Variants in COL4A3 observed in about 807,000 individuals in gnomAD.
COL4A3 encodes collagen type IV alpha 3 chain.
Under a neutral mutation model 217.4 loss-of-function variants are expected in COL4A3, and 135 were observed. The observed-to-expected ratio is 0.62, with a 90% confidence interval of 0.54 to 0.72. COL4A3 has a LOEUF of 0.72. Ranked by LOEUF, COL4A3 falls within the 30% of genes least tolerant of loss-of-function variation. The probability of loss-of-function intolerance (pLI) is 0.00; values close to 1 mark genes in which losing one functional copy is unlikely to be tolerated. For missense variants in COL4A3, 1,868 were observed against 2,119.9 expected (o/e 0.88, Z 2.33); for synonymous variants, 690 against 736.3 (o/e 0.94, Z 1.02).
intron 34 of COL4A3, among the ~76,000 whole-genome samples, chr2:227,286,916 C>A (rs368377284): frequency 1.3e-5 from 2 of 152,136 alleles, no homozygotes; most frequent in East Asian, 3.9e-4. Flanking sequence ...CTTAATAATA[C>A]CTATGGACTA....
chr2:227,231,301 G>A (rs550171626), intron 1 of COL4A3, among the ~76,000 whole-genome samples: 2 of 152,274 alleles, frequency 1.3e-5, no homozygotes, highest in South Asian at 4.2e-4. Flanking sequence ...CTCAGAGCTG[G>A]AGGCGTCCCC....
At chr2:227,244,694 C>T in intron 4 of COL4A3, 1 of 650,478 alleles carries the variant, frequency 1.5e-6, no homozygotes, top group Non-Finnish European at 2.7e-6. Context: ...CACTTCATTG[C>T]ATGCAAATTG....
intron 1 of COL4A3, among the ~76,000 whole-genome samples, chr2:227,197,195 G>A (rs777235454): frequency 4.0e-5 from 6 of 151,692 alleles, no homozygotes; most frequent in East Asian, 1.9e-4. Flanking sequence ...TTTTGGGTAC[G>A]GTTTTTTTGT....
intron 36 of COL4A3, 54 bp downstream of exon 36, chr2:227,290,142 C>T: frequency 6.6e-7 from 1 of 1,522,348 alleles, no homozygotes; most frequent in Non-Finnish European, 9.1e-7. Context: ...GTGAGGACTC[C>T]AGATTTTCTG....
chr2:227,281,016 G>A lies in COL4A3; in HGVS notation c.2488+10G>A. 6.5e-7 allele frequency: 1 copy of A among 1,541,810 alleles called. No homozygotes were observed. Among genetic ancestry groups the A allele is most frequent in the East Asian group, 2.4e-5 (1 of 41,080 alleles). ...TTGAAAGGGCAACAAGGTAGGAGGA[G>A]GGCCTCAAAACTGGCCACCAGAAGG... On this transcript the variant is annotated intron_variant, in intron 31 of 51. Transcript: ENST00000396578.
chr2:227,254,659 C>T lies in COL4A3; in HGVS notation c.832C>T (p.Leu278=). 7 of 1,611,190 alleles carry T rather than the reference C, an allele frequency of 4.3e-6. No homozygotes were observed. Among genetic ancestry groups the T allele is most frequent in the Non-Finnish European group, 5.1e-6 (6 of 1,177,364 alleles). Residue 278 remains leucine (L), a synonymous_variant, in exon 15 of 52, where the codon CTG becomes TTG. Transcript: ENST00000396578. The part of the protein sequence containing the change: ...GEPGPPGPSG[L]PGESYGSEKG... ...GACATGGCTCTAATTAATACAGGGA[C>T]TGCCTGGAGAATCATATGGATCTGA... is the stretch of plus-strand genomic sequence containing the variant.
Position 227,191,474 on chromosome 2 carries a change from G to T in COL4A3, c.87+26661G>T, listed in dbSNP as rs2066237093. Among the ~76,000 whole-genome samples, 1 of 152,172 alleles carries T rather than the reference G, an allele frequency of 6.6e-6. No homozygotes were observed. ...CACTCTTTACCAGCCACATACAAAT[G>T]TTGAATGGCTCCATCCACGGTGCAT... On this transcript the variant is annotated intron_variant, in intron 1 of 51. Coordinates refer to ENST00000396578, the MANE Select transcript of COL4A3 (RefSeq NM_000091.5). The surrounding 1 kb of genome is among the most constrained non-coding windows in gnomAD (Gnocchi z 6.8).
intron 1 of COL4A3, among the ~76,000 whole-genome samples, chr2:227,222,177 T>TAAA (rs200954828): frequency 2.5e-4 from 33 of 130,810 alleles, no homozygotes; most frequent in Admixed American, 2.2e-3. Context: ...ATAATGATAA[T>TAAA]AAAAAGCTCC....
chr2:227,289,945 C>T, intron 35 of COL4A3, 54 bp from the exon 36 acceptor site: 3 of 1,534,782 alleles, frequency 2.0e-6, no homozygotes, highest in Non-Finnish European at 2.7e-6. Context: ...ATTTATTAAA[C>T]ACATACTATG....
At chr2:227,295,090 G>C (rs139858158) in intron 40 of COL4A3, 28 bp downstream of exon 40, 2 of 1,596,812 alleles carry the variant, frequency 1.3e-6, no homozygotes, top group Non-Finnish European at 8.6e-7. Context: ...TCTTTGATCC[G>C]TTAGTTTTAT....
intron 43 of COL4A3, among the ~76,000 whole-genome samples, chr2:227,300,279 C>T (rs927906464): frequency 2.6e-5 from 4 of 152,194 alleles, no homozygotes; most frequent in African/African-American, 9.7e-5. Flanking sequence ...CTACCTGTCT[C>T]CACATTGTGC....
chr2:227,307,912 A>T lies in COL4A3; in HGVS notation c.4455A>T (p.Gln1485His). 1 of 1,613,810 alleles carries T rather than the reference A, an allele frequency of 6.2e-7. No individual in the cohort carries two copies. The highest frequency in any genetic ancestry group is 8.5e-7 in the Non-Finnish European group (1 of 1,179,770). ...AAGGAAATCAACGAGCCCACGGACA[A>T]GACCTTGGTAATGTCCCAGTCCCAG... is the stretch of plus-strand genomic sequence containing the variant. The part of the protein sequence containing the change: ...FVQGNQRAHG[Q>H]DLGTLGSCLQ... Residue 1485 changes from glutamine to histidine, a missense_variant, in exon 48 of 52, where the codon CAA becomes CAT. Around this residue, in one of 2 missense-constraint regions of COL4A3, gnomAD observed 1,503 missense variants for 1,786.1 expected, o/e 0.84. Transcript: ENST00000396578.
At chr2:227,240,335 A>T in intron 3 of COL4A3, 103 bp downstream of exon 3, 1 of 1,092,984 alleles carries the variant, frequency 9.1e-7, no homozygotes, top group Non-Finnish European at 1.4e-6. Context: ...ATCTTAGCCA[A>T]CTGCTAGGTG....
At chr2:227,276,877 A>G (rs554824626) in intron 27 of COL4A3, among the ~76,000 whole-genome samples, 1 of 152,374 alleles carries the variant, frequency 6.6e-6, no homozygotes, top group South Asian at 2.1e-4. Flanking sequence ...TGAGTTTTGC[A>G]TGCATGGAGG....
At chr2:227,245,135 T>C (rs759645965) in intron 5 of COL4A3, 140 bp downstream of exon 5, 39 of 780,934 alleles carry the variant, frequency 5.0e-5, no homozygotes, top group Non-Finnish European at 8.4e-5. Flanking sequence ...TGGTATATTA[T>C]ACTAGTGTGT....
intron 1 of COL4A3, among the ~76,000 whole-genome samples, chr2:227,188,251 A>C (rs2125693950): frequency 6.6e-6 from 1 of 152,258 alleles, no homozygotes; most frequent in South Asian, 2.1e-4. Context: ...TTTTAGTATC[A>C]ATATCAGAAT....
chr2:227,294,372 A>T, intron 38 of COL4A3, 118 bp from the exon 39 acceptor site: 1 of 799,380 alleles, frequency 1.3e-6, no homozygotes, highest in Non-Finnish European at 2.3e-6. Context: ...GCAACAAGAG[A>T]GCTTCCTTAA....
chr2:227,251,040 T>C, intron 9 of COL4A3, 100 bp from the exon 10 acceptor site: 1 of 940,514 alleles, frequency 1.1e-6, no homozygotes. Context: ...GTTATGCTCT[T>C]CTGATTTTAT....
rs141880674 is a variant in COL4A3, at chr2:227,230,805, T to G, written c.88-7163T>G. The stretch of plus-strand genomic sequence containing the variant: ...CTACTGTCATCACCATCCAAAAGTA[T>G]TCAAGTGCCCCTGTGCTGGGGTCTC... On this transcript the variant is annotated intron_variant, in intron 1 of 51. Transcript: ENST00000396578. Among the ~76,000 whole-genome samples the G allele has an allele frequency of 2.9e-3, 436 of 152,316 alleles. 1 individual carries two copies. Among genetic ancestry groups the G allele is most frequent in the Non-Finnish European group, 5.0e-3 (337 of 68,014 alleles).
Sources: allele counts gnomAD v4.1 joint callset (sites outside exome capture counted in the v4.1 genomes callset), GRCh38; gene constraint gnomAD v4.1.1; regional missense constraint gnomAD v4.1.1; non-coding constraint Gnocchi (gnomAD v3.1); transcripts MANE v1.5; gene names NCBI Gene and HGNC (gene_info 2026-07-23, HGNC 2026-07-21).